TXK: variants seen among roughly 807,000 people sequenced by gnomAD.
TXK encodes the protein TXK tyrosine kinase.
A neutral mutation model predicts 81.0 loss-of-function variants in TXK; 60 were observed. The observed-to-expected ratio is 0.74, with a 90% CI of 0.60 to 0.92. The LOEUF (loss-of-function observed/expected upper bound fraction) is 0.92, where lower values mean the gene tolerates loss of function less well. TXK is among the 40% of genes least tolerant of loss of function. The pLI, the probability that TXK is intolerant of heterozygous loss-of-function variation, is 0.00. For synonymous variants in TXK, 203 were observed against 210.7 expected (o/e 0.96, Z 0.32); for missense variants, 581 against 638.3 (o/e 0.91, Z 0.97).
intron 6 of TXK, among the ~76,000 whole-genome samples, chr4:48,095,563 G>A (rs1345352574): frequency 1.3e-5 from 2 of 152,158 alleles, no homozygotes; most frequent in Non-Finnish European, 2.9e-5. Context: ...AAAAATCACT[G>A]TAGAATAGGA....
Position 48,089,788 on chromosome 4 carries a change from A to T in TXK, c.746T>A (p.Met249Lys). The T allele has an allele frequency of 6.2e-7, 1 of 1,613,772 alleles. No homozygotes were observed. The highest frequency in any genetic ancestry group is 8.5e-7 in the Non-Finnish European group (1 of 1,179,760). Residue 249 changes from methionine to lysine, a missense_variant, in exon 9 of 15, where the codon ATG becomes AAG. Coordinates refer to ENST00000264316, the MANE Select transcript of TXK (RefSeq NM_003328.3). ...MTRLRYPVGL[M>K]GSCLPATAGF... The stretch of plus-strand genomic sequence containing the variant: ...AGCTGTGGCTGGTAAACAACTGCCC[A>T]TCAGCCCAACTGGATATCGGAGACG...
chr4:48,071,633 A>G lies in TXK; in HGVS notation c.1399T>C (p.Phe467Leu). The change falls in exon 14 of 15, where the codon TTT becomes CTT. Residue 467 changes from phenylalanine (F) to leucine (L), a missense_variant. Phe to Leu is a conservative substitution (Grantham distance 22, BLOSUM62 0). Transcript: ENST00000264316. ...ACTTGCAAATTTGACTTATTTTCAA[A>G]AGGCATTTTTCCTTCTGTAAAAACT... ...WEVFTEGKMP[F>L]ENKSNLQVVE... 6.2e-7 allele frequency: 1 copy of G among 1,614,210 alleles called. No individual in the cohort carries two copies. Among genetic ancestry groups the G allele is most frequent in the Admixed American group, 1.7e-5 (1 of 60,020 alleles).
chr4:48,072,828 G>A (rs918611917), intron 13 of TXK, among the ~76,000 whole-genome samples: 1 of 152,192 alleles, frequency 6.6e-6, no homozygotes, highest in Admixed American at 6.5e-5. Context: ...TTGCTCTTCA[G>A]TAGAGCTTCA....
Position 48,110,729 on chromosome 4 carries a change from TA to T in TXK, c.381-127del. The T allele has an allele frequency of 4.2e-6, 3 of 719,140 alleles. 1 individual carries two copies. In the South Asian group the frequency reaches 5.7e-5, roughly 14 times the overall value. 44.5% of individuals were successfully genotyped at this position (719,140 alleles called of 1,614,324 possible). On this transcript the variant is annotated intron_variant, in intron 4 of 14. Transcript: ENST00000264316. ...AAATTCATTTTACTGATTAAATTGT[TA>T]AAAGGAGAAAAAAAAGTTTTTTTAT... is the stretch of plus-strand genomic sequence containing the variant.
chr4:48,118,352 A>G (rs1283844256), intron 1 of TXK, among the ~76,000 whole-genome samples: 1 of 152,196 alleles, frequency 6.6e-6, no homozygotes, highest in African/African-American at 2.4e-5. Flanking sequence ...CCAAGAGGCC[A>G]CTGGTGTGAA....
intron 1 of TXK, among the ~76,000 whole-genome samples, chr4:48,122,821 C>T (rs62298965): frequency 0.094 from 14,384 of 152,248 alleles, 949 homozygotes; most frequent in East Asian, 0.35. Flanking sequence ...TGGAACAGAA[C>T]AAGCAGGTTC....
intron 10 of TXK, among the ~76,000 whole-genome samples, chr4:48,084,864 G>GAGAATGGGTCCAGTTAATCA (rs1246798178): frequency 3.0e-4 from 46 of 152,152 alleles, no homozygotes; most frequent in African/African-American, 1.1e-3. Flanking sequence ...CCAGTTAATC[G>GAGAATGGGTCCAGTTAATCA]AGAATGGGTC....
At chr4:48,121,149 T>C (rs544770322) in intron 1 of TXK, among the ~76,000 whole-genome samples, 6 of 152,308 alleles carry the variant, frequency 3.9e-5, no homozygotes, top group South Asian at 4.1e-4. Flanking sequence ...TTAAAAACTA[T>C]CTATCAGCTG....
chr4:48,113,376 A>T (rs1427566109), intron 2 of TXK, 67 bp from the exon 3 acceptor site: 1 of 1,250,480 alleles, frequency 8.0e-7, no homozygotes, highest in Non-Finnish European at 1.1e-6. Flanking sequence ...CATCCACTAG[A>T]TTTTCACAGA....
Position 48,114,340 on chromosome 4 carries a change from A to G in TXK, c.71+8T>C. 6 of 1,613,988 alleles carry G rather than the reference A, an allele frequency of 3.7e-6. No homozygotes were observed. Among genetic ancestry groups the G allele is most frequent in the Non-Finnish European group, 5.1e-6 (6 of 1,179,884 alleles). ...TTTTCAAGAAATTGCCCTCGGAAGT[A>G]GACTTACCGCTTCTGCACTGAACAG... On this transcript the variant is annotated splice_region_variant and intron_variant, in intron 2 of 14. Transcript: ENST00000264316.
At chr4:48,068,523 T>C (rs1716697032) in intron 14 of TXK, among the ~76,000 whole-genome samples, 1 of 152,212 alleles carries the variant, frequency 6.6e-6, no homozygotes, top group Admixed American at 6.5e-5. Flanking sequence ...TTGCTGAATA[T>C]TCTTACATTT....
intron 11 of TXK, 41 bp downstream of exon 11, chr4:48,079,871 G>A: frequency 1.5e-6 from 2 of 1,330,520 alleles, no homozygotes; most frequent in Non-Finnish European, 2.1e-6. Flanking sequence ...CTGAATATAG[G>A]TATGATACAA....
At chr4:48,104,873 G>A (rs1718400732) in intron 6 of TXK, 28 bp downstream of exon 6, 1 of 1,562,918 alleles carries the variant, frequency 6.4e-7, no homozygotes, top group African/African-American at 1.4e-5. Flanking sequence ...CAGAGATTTT[G>A]AAAATGTCCA....
intron 12 of TXK, among the ~76,000 whole-genome samples, chr4:48,074,524 A>G (rs1716989997): frequency 6.6e-6 from 1 of 152,210 alleles, no homozygotes; most frequent in African/African-American, 2.4e-5. Flanking sequence ...GGGGAAAGTA[A>G]AAGTATATGA....
chr4:48,094,114 G>C lies in TXK; in HGVS notation c.672C>G (p.Ile224Met). 1 of 1,613,786 alleles carries C rather than the reference G, an allele frequency of 6.2e-7. No homozygotes were observed. Residue 224 changes from isoleucine to methionine, a missense_variant, in exon 8 of 15, where the codon ATC becomes ATG. By Grantham distance (10) the Ile-to-Met change is conservative (BLOSUM62 1). Transcript: ENST00000264316. ...YVAERHAFQSIPELIWYHQHN... is the reference protein window; with the variant it reads ...YVAERHAFQSMPELIWYHQHN... ...GCTGGTGATACCAGATTAACTCAGGGATTGATTGAAAGGCGTGTCTTTCAG... is the reference window on the plus strand; with the variant it reads ...GCTGGTGATACCAGATTAACTCAGGCATTGATTGAAAGGCGTGTCTTTCAG...
chr4:48,130,299 C>T (rs1719218057), intron 1 of TXK, among the ~76,000 whole-genome samples: 1 of 152,126 alleles, frequency 6.6e-6, no homozygotes, highest in Admixed American at 6.5e-5. Context: ...CTTTTGTGGG[C>T]CAGGAGTTCT....
At chr4:48,069,115 C>A (rs1176149378) in intron 14 of TXK, among the ~76,000 whole-genome samples, 1 of 152,092 alleles carries the variant, frequency 6.6e-6, no homozygotes, top group Non-Finnish European at 1.5e-5. Context: ...GCCTGGGCAA[C>A]AAAGTGAGAC....
chr4:48,092,384 A>T (rs1717810475), intron 8 of TXK, among the ~76,000 whole-genome samples: 1 of 152,234 alleles, frequency 6.6e-6, no homozygotes, highest in African/African-American at 2.4e-5. Context: ...AGGAGCAACA[A>T]GTGACACTGC....
intron 10 of TXK, among the ~76,000 whole-genome samples, chr4:48,085,424 T>C (rs1717484140): frequency 6.6e-6 from 1 of 151,832 alleles, no homozygotes; most frequent in South Asian, 2.1e-4. Flanking sequence ...AAAAGAGTAC[T>C]TGTAAAGCAC....
Sources: gnomAD v4.1 joint callset for allele counts (sites outside exome capture counted in the v4.1 genomes callset) on GRCh38, gnomAD v4.1.1 for gene constraint, MANE v1.5 for transcripts, NCBI Gene and HGNC (gene_info 2026-07-23, HGNC 2026-07-21) for gene names.